Variants in DYNC2H1 observed in about 807,000 individuals in gnomAD.
DYNC2H1 encodes cytoplasmic dynein 2 heavy chain 1.
DYNC2H1 carries 410 observed loss-of-function variants against 570.0 expected under a neutral mutation model. That is an observed-to-expected ratio of 0.72 (90% confidence interval 0.66 to 0.78). The LOEUF (loss-of-function observed/expected upper bound fraction) is 0.78. Among genes scored for constraint, DYNC2H1 ranks in the 30% least tolerant of loss-of-function variants. The probability of loss-of-function intolerance (pLI) is 0.00; values close to 1 mark genes in which losing one functional copy is unlikely to be tolerated. For synonymous variants in DYNC2H1, 1,688 were observed against 1,677.6 expected (o/e 1.01, Z -0.15); for missense variants, 4,865 against 5,046.4 (o/e 0.96, Z 1.09).
rs1860541233 is a variant in DYNC2H1 at position 103,151,555 on chromosome 11, C to T, written c.2947-581C>T. On this transcript the variant is annotated intron_variant, in intron 20 of 88. Coordinates refer to ENST00000375735, the MANE Select transcript of DYNC2H1 (RefSeq NM_001377.3). The surrounding 1 kb of genome is among the most constrained non-coding windows in gnomAD (Gnocchi z 4.6). ...TTAAAAGCCTTAGAGGCAATTCCAG[C>T]AGTTTAGCACCCATTGACCTACACC... 6.6e-6 allele frequency among the ~76,000 whole-genome samples: 1 copy of T among 152,046 alleles called. No homozygotes were observed. Among genetic ancestry groups the T allele is most frequent in the Non-Finnish European group, 1.5e-5 (1 of 67,988 alleles).
At chr11:103,401,434 A>G (rs79263387) in intron 84 of DYNC2H1, among the ~76,000 whole-genome samples, 2,424 of 152,284 alleles carry the variant, frequency 0.016, 69 homozygotes, top group African/African-American at 0.055. Flanking sequence ...CGGGTACACA[A>G]TGAAGTATAA....
rs2134780419 is a variant in DYNC2H1, at chr11:103,135,739, A to C, written c.2365A>C (p.Arg789=). 6.2e-7 allele frequency: 1 copy of C among 1,610,428 alleles called. No individual in the cohort carries two copies. The highest frequency in any genetic ancestry group is 1.3e-5 in the African/African-American group (1 of 74,962). Residue 789 remains arginine, a synonymous_variant, in exon 17 of 89, where the codon AGG becomes CGG. Coordinates refer to ENST00000375735, the MANE Select transcript of DYNC2H1 (RefSeq NM_001377.3). ...TTTTAGACAGGGACGATTACAATTC[A>C]GGCCCCCTTTTGAAGAAATCCGGGC... is the stretch of plus-strand genomic sequence containing the variant. ...LTYKQGRLQF[R]PPFEEIRAKY...
At chr11:103,397,915 A>G (rs1942464330) in intron 83 of DYNC2H1, among the ~76,000 whole-genome samples, 1 of 152,212 alleles carries the variant, frequency 6.6e-6, no homozygotes, top group African/African-American at 2.4e-5. Context: ...TAAAATGTTT[A>G]GTACATTTAG....
rs751373868 is a variant in DYNC2H1, at chr11:103,155,493, G to A, written c.3736G>A (p.Asp1246Asn). The A allele has an allele frequency of 8.7e-6, 14 of 1,606,386 alleles. No individual in the cohort carries two copies. In the East Asian group the frequency reaches 1.8e-4, roughly 21 times the overall value. The change falls in exon 25 of 89, where the codon GAC becomes AAC. Residue 1246 changes from aspartate to asparagine, a missense_variant. Asp to Asn is a conservative substitution (Grantham distance 23). This residue lies in a region of DYNC2H1 where 1,936 missense variants were observed against 1,962.1 expected (regional missense o/e 0.99). Transcript: ENST00000375735. ...TGATACAATTGTAGCCAAAGCTGCCGACCTTAAAGTATGAATCACTTTTAT... is the reference window on the plus strand; with the variant it reads ...TGATACAATTGTAGCCAAAGCTGCCAACCTTAAAGTATGAATCACTTTTAT... Reference protein sequence around the residue: ...VADTIVAKAADLKDLNSRAQG... With the variant: ...VADTIVAKAANLKDLNSRAQG...
intron 88 of DYNC2H1, 36 bp from the exon 89 acceptor site, chr11:103,479,059 A>G: frequency 6.2e-7 from 1 of 1,608,728 alleles, no homozygotes; most frequent in Non-Finnish European, 8.5e-7. Flanking sequence ...CAAATAGTGT[A>G]TTGCTTTATT....
Position 103,268,240 on chromosome 11 carries a change from C to T in DYNC2H1, c.10695+8263C>T, listed in dbSNP as rs906427018. 2.0e-5 allele frequency among the ~76,000 whole-genome samples: 3 copies of T among 151,998 alleles called. No individual in the cohort carries two copies. The highest frequency in any genetic ancestry group is 1.3e-4 in the Admixed American group (2 of 15,254). ...AGGTATATCTTTATCTCCTTTGTTG[C>T]ACCTTATCAACCCAGGATGTTATCA... On this transcript the variant is annotated intron_variant, in intron 70 of 88. Transcript: ENST00000375735. This position sits in a 1 kb window ranked among gnomAD's most constrained non-coding sequence, Gnocchi z 4.6.
At position 103,145,341 on chromosome 11, in the gene DYNC2H1, C is replaced by G. The variant is rs117897295; in HGVS notation, c.2702+1946C>G. On this transcript the variant is annotated intron_variant, in intron 18 of 88. Transcript: ENST00000375735. The surrounding 1 kb of genome is among the most constrained non-coding windows in gnomAD (Gnocchi z 4.2). The stretch of plus-strand genomic sequence containing the variant: ...TGGGTGATTTGGATACTGGTAGGAC[C>G]ATTAATATTAGTTTAAAGTAAGGAA... Among the ~76,000 whole-genome samples the G allele has an allele frequency of 2.0e-5, 3 of 152,016 alleles. No individual in the cohort carries two copies. Among genetic ancestry groups the G allele is most frequent in the African/African-American group, 4.8e-5 (2 of 41,396 alleles).
rs537081399 is a variant in DYNC2H1, at chr11:103,418,691, G to C, written c.12367-17252G>C. On this transcript the variant is annotated intron_variant, in intron 84 of 88. Coordinates refer to ENST00000375735, the MANE Select transcript of DYNC2H1 (RefSeq NM_001377.3). ...AGGCAAAGAACTCACAGAGAACAAA[G>C]AAAAGCAGTGTGGGGTAATGGCCCA... is the stretch of plus-strand genomic sequence containing the variant. 1.6e-4 allele frequency among the ~76,000 whole-genome samples: 25 copies of C among 152,288 alleles called. No homozygotes were observed. The Middle Eastern group carries it at 0.017, about 104-fold the overall frequency.
In DYNC2H1 at chr11:103,324,891, T is replaced by C. The variant is rs58501390; in HGVS notation, c.12039+901T>C. On this transcript the variant is annotated intron_variant, in intron 82 of 88. Coordinates refer to ENST00000375735, the MANE Select transcript of DYNC2H1 (RefSeq NM_001377.3). This position sits in a 1 kb window ranked among gnomAD's most constrained non-coding sequence, Gnocchi z 5.2. ...CAGCACCTGTTATTTTTTGACTTTT[T>C]AATAATAGCCAGTCTGATGGGCATG... 0.045 allele frequency among the ~76,000 whole-genome samples: 6,835 copies of C among 152,294 alleles called. 326 individuals carry two copies. Among genetic ancestry groups the C allele is most frequent in the African/African-American group, 0.12 (4,812 of 41,534 alleles).
chr11:103,255,374 G>A lies in DYNC2H1; in HGVS notation c.10207-41G>A, dbSNP rs558336397. The A allele has an allele frequency of 1.3e-5, 20 of 1,530,734 alleles. No individual in the cohort carries two copies. The South Asian group carries it at 2.5e-4, about 19-fold the overall frequency. 94.8% of individuals were successfully genotyped at this position (1,530,734 alleles called of 1,614,324 possible). ...GCAGGAAGTTTTTGTTTTGTTTTAA[G>A]CCTTATTGCTAGAATTACCTTGTCT... On this transcript the variant is annotated intron_variant, in intron 66 of 88. Transcript: ENST00000375735.
intron 46 of DYNC2H1, 111 bp downstream of exon 46, chr11:103,191,730 A>T: frequency 2.2e-6 from 1 of 453,190 alleles, no homozygotes; most frequent in Non-Finnish European, 3.6e-6. Context: ...AAGTTATATT[A>T]TTAAATAGAA....
At chr11:103,452,241 G>A (rs1944631866) in intron 85 of DYNC2H1, among the ~76,000 whole-genome samples, 1 of 152,110 alleles carries the variant, frequency 6.6e-6, no homozygotes, top group Admixed American at 6.5e-5. Flanking sequence ...CAGAGGCTCA[G>A]TTTCTTCCTG....
intron 70 of DYNC2H1, among the ~76,000 whole-genome samples, chr11:103,274,155 C>CAT (rs71465389): frequency 1.5e-4 from 22 of 150,530 alleles, no homozygotes; most frequent in Admixed American, 9.3e-4. Flanking sequence ...TATACACACA[C>CAT]ATATATATAT....
At chr11:103,359,108 C>A (rs1048464604) in intron 83 of DYNC2H1, among the ~76,000 whole-genome samples, 3 of 152,142 alleles carry the variant, frequency 2.0e-5, no homozygotes, top group Non-Finnish European at 2.9e-5. Flanking sequence ...AGTTTTGGCA[C>A]CTTAGTCCCC....
chr11:103,162,921 A>G, intron 29 of DYNC2H1, 107 bp from the exon 30 acceptor site: 3 of 963,146 alleles, frequency 3.1e-6, no homozygotes, highest in Non-Finnish European at 4.3e-6. Flanking sequence ...CCGTCTTGAA[A>G]TAACAGTATA....
chr11:103,188,420 C>T (rs1591379916), intron 43 of DYNC2H1, 77 bp from the exon 44 acceptor site: 3 of 1,169,854 alleles, frequency 2.6e-6, no homozygotes, highest in East Asian at 5.1e-5. Flanking sequence ...ATAATTGAAA[C>T]TTAGGCAAAA....
intron 88 of DYNC2H1, among the ~76,000 whole-genome samples, chr11:103,475,207 C>A (rs1356242575): frequency 6.6e-6 from 1 of 152,066 alleles, no homozygotes; most frequent in Non-Finnish European, 1.5e-5. Flanking sequence ...TAATCAATCA[C>A]AATTTATAGA....
In DYNC2H1 at chr11:103,315,100, T is replaced by A. The variant is rs988647621; in HGVS notation, c.11650-1445T>A. On this transcript the variant is annotated intron_variant, in intron 79 of 88. Coordinates refer to ENST00000375735, the MANE Select transcript of DYNC2H1 (RefSeq NM_001377.3). ...CATAATATCCACAATGTTCTTTTTT[T>A]AAAAAAGTATCCAAATGCTATTGAC... Among the ~76,000 whole-genome samples, 14 of 152,154 alleles carry A rather than the reference T, an allele frequency of 9.2e-5. No homozygotes were observed. In the East Asian group the frequency reaches 2.3e-3, roughly 25 times the overall value.
At chr11:103,440,840 T>C (rs1944243341) in intron 85 of DYNC2H1, among the ~76,000 whole-genome samples, 1 of 152,154 alleles carries the variant, frequency 6.6e-6, no homozygotes, top group Non-Finnish European at 1.5e-5. Flanking sequence ...TTTCTCTGCA[T>C]TCAAAATACA....
Sources: allele counts gnomAD v4.1 joint callset (sites outside exome capture counted in the v4.1 genomes callset), GRCh38; gene constraint gnomAD v4.1.1; regional missense constraint gnomAD v4.1.1; non-coding constraint Gnocchi (gnomAD v3.1); transcripts MANE v1.5; gene names NCBI Gene and HGNC (gene_info 2026-07-23, HGNC 2026-07-21).